Variants in HOOK3 observed in about 807,000 individuals in gnomAD.
HOOK3 encodes the protein hook microtubule tethering protein 3.
HOOK3 carries 24 observed loss-of-function variants against 116.3 expected under a neutral mutation model. The ratio of observed to expected loss-of-function variants is 0.21; its 90% confidence interval spans 0.15 to 0.29. The LOEUF is 0.29. HOOK3 is among the 10% of genes least tolerant of loss of function. The pLI, the probability that HOOK3 is intolerant of heterozygous loss-of-function variation, is 1.00. For synonymous variants in HOOK3, 275 were observed against 283.0 expected (o/e 0.97, Z 0.28); for missense variants, 632 against 830.2 (o/e 0.76, Z 2.93).
chr8:42,955,695 A>C (rs1396298549), intron 6 of HOOK3, among the ~76,000 whole-genome samples: 1 of 152,134 alleles, frequency 6.6e-6, no homozygotes, highest in Non-Finnish European at 1.5e-5. Context: ...AGACTGAAAG[A>C]CAAGAAGAAA....
chr8:42,938,850 A>G (rs912385161), intron 4 of HOOK3, among the ~76,000 whole-genome samples: 1 of 152,124 alleles, frequency 6.6e-6, no homozygotes, highest in South Asian at 2.1e-4. Flanking sequence ...TTTCCTAGGC[A>G]GAGGACCCTG....
In HOOK3 at chr8:43,024,690, T is replaced by C. The variant is rs1563317656; in HGVS notation, c.*6192T>C. 1 of 191,252 alleles carries C rather than the reference T, an allele frequency of 5.2e-6. No homozygotes were observed. Among genetic ancestry groups the C allele is most frequent in the Non-Finnish European group, 1.1e-5 (1 of 91,288 alleles). The allele number at this position is 191,252 out of a possible 1,614,324, so 11.8% of individuals were successfully genotyped here. A position where few individuals can be genotyped will look rare whatever the true frequency, so the allele number is the denominator to read the frequency against. On this transcript the variant is annotated 3_prime_UTR_variant, in exon 22 of 22. Coordinates refer to ENST00000307602, the MANE Select transcript of HOOK3 (RefSeq NM_032410.4). The stretch of plus-strand genomic sequence containing the variant: ...AAGAATATTTAAATAATAATTGGTG[T>C]ATGTTCCTTTTGTTGAAAATGTTTT...
chr8:42,941,540 AGAG>A (rs1243971821), intron 4 of HOOK3, among the ~76,000 whole-genome samples: 4 of 150,736 alleles, frequency 2.7e-5, no homozygotes, highest in African/African-American at 4.9e-5. Context: ...AAAAAAAAAA[AGAG>A]GCATGAGCCA....
chr8:42,922,680 C>T (rs1586592362), intron 2 of HOOK3, among the ~76,000 whole-genome samples: 1 of 152,210 alleles, frequency 6.6e-6, no homozygotes, highest in South Asian at 2.1e-4. Flanking sequence ...GGGCGGATCA[C>T]TTGAGGTCAG....
At chr8:42,920,408 A>C (rs1807634186) in intron 2 of HOOK3, among the ~76,000 whole-genome samples, 1 of 152,256 alleles carries the variant, frequency 6.6e-6, no homozygotes, top group South Asian at 2.1e-4. Context: ...GTAATACTGA[A>C]TATGAGAAGT....
intron 21 of HOOK3, among the ~76,000 whole-genome samples, chr8:43,015,205 C>T (rs1278676046): frequency 6.6e-6 from 1 of 151,972 alleles, no homozygotes; most frequent in Non-Finnish European, 1.5e-5. Context: ...GAGAGGAAAT[C>T]GTATCAGAGT....
At chr8:42,940,237 C>G (rs977457662) in intron 4 of HOOK3, among the ~76,000 whole-genome samples, 2 of 152,232 alleles carry the variant, frequency 1.3e-5, no homozygotes, top group African/African-American at 4.8e-5. Context: ...CCCGGCACCT[C>G]GGGAGGCCGA....
At chr8:42,988,373 A>AT (rs914512366) in intron 15 of HOOK3, among the ~76,000 whole-genome samples, 18 of 152,186 alleles carry the variant, frequency 1.2e-4, no homozygotes, top group African/African-American at 1.7e-4. Context: ...CTACCCTAGT[A>AT]TTTTTTTAGT....
chr8:43,012,099 C>G (rs1404233426), intron 19 of HOOK3, among the ~76,000 whole-genome samples: 1 of 152,124 alleles, frequency 6.6e-6, no homozygotes, highest in Non-Finnish European at 1.5e-5. Flanking sequence ...CAGACCAGAT[C>G]AGAGGAAAGA....
intron 8 of HOOK3, among the ~76,000 whole-genome samples, chr8:42,961,304 T>C (rs1563301804): frequency 6.6e-6 from 1 of 152,264 alleles, no homozygotes; most frequent in Non-Finnish European, 1.5e-5. Flanking sequence ...ATTTACTTTC[T>C]TGTGCAATGA....
At chr8:42,986,489 G>A (rs935966400) in intron 14 of HOOK3, among the ~76,000 whole-genome samples, 166 bp from the exon 15 acceptor site, 4 of 152,158 alleles carry the variant, frequency 2.6e-5, no homozygotes, top group East Asian at 1.9e-4. Flanking sequence ...GAAATGTAAT[G>A]TCTTTACCAG....
intron 5 of HOOK3, among the ~76,000 whole-genome samples, chr8:42,944,959 C>T (rs184767028): frequency 2.0e-5 from 3 of 152,116 alleles, no homozygotes; most frequent in Non-Finnish European, 4.4e-5. Context: ...ATTTTAAGCT[C>T]CCAGAGCTGA....
chr8:42,971,984 C>T (rs576580668), intron 11 of HOOK3, among the ~76,000 whole-genome samples: 42 of 152,318 alleles, frequency 2.8e-4, no homozygotes, highest in Non-Finnish European at 5.9e-4. Context: ...TGCCTGGCCT[C>T]TTAACTCCTT....
At chr8:42,923,759 G>T (rs1310414761) in intron 2 of HOOK3, among the ~76,000 whole-genome samples, 2 of 152,130 alleles carry the variant, frequency 1.3e-5, no homozygotes, top group Non-Finnish European at 2.9e-5. Context: ...GTACCACTCT[G>T]GCTATACTAA....
chr8:42,922,766 G>C (rs1807681197), intron 2 of HOOK3, among the ~76,000 whole-genome samples: 1 of 151,690 alleles, frequency 6.6e-6, no homozygotes, highest in Non-Finnish European at 1.5e-5. Flanking sequence ...TGGGCATGGT[G>C]GTGCACGCCT....
chr8:42,986,502 A>G (rs1809051835), intron 14 of HOOK3, among the ~76,000 whole-genome samples, 153 bp from the exon 15 acceptor site: 1 of 152,224 alleles, frequency 6.6e-6, no homozygotes, highest in Admixed American at 6.5e-5. Context: ...TTTACCAGCT[A>G]TAATAGCTGA....
chr8:42,918,952 G>A (rs1216768221), intron 2 of HOOK3, among the ~76,000 whole-genome samples: 3 of 152,170 alleles, frequency 2.0e-5, no homozygotes, highest in African/African-American at 7.2e-5. Flanking sequence ...CAGGCGGGGT[G>A]GCGGCCGGGC....
intron 7 of HOOK3, among the ~76,000 whole-genome samples, chr8:42,958,221 A>ATCTTTGTAT (rs1808470888): frequency 6.6e-6 from 1 of 152,208 alleles, no homozygotes; most frequent in Non-Finnish European, 1.5e-5. Context: ...ATGAATAGAA[A>ATCTTTGTAT]TCTTTGTATT....
rs1289853303 is a variant in HOOK3, at chr8:43,019,936, C to T, written c.*1438C>T. 5.0e-6 allele frequency: 1 copy of T among 201,470 alleles called. No homozygotes were observed. Among genetic ancestry groups the T allele is most frequent in the African/African-American group, 2.3e-5 (1 of 43,624 alleles). 12.5% of individuals were successfully genotyped at this position (201,470 alleles called of 1,614,324 possible). On this transcript the variant is annotated 3_prime_UTR_variant, in exon 22 of 22. Coordinates refer to ENST00000307602, the MANE Select transcript of HOOK3 (RefSeq NM_032410.4). ...ATATAGGAGGATGTTTTCTCATGTA[C>T]TTGCTATTTGCAAGTTCAGGTTTCA...
Sources: gnomAD v4.1 joint callset for allele counts (sites outside exome capture counted in the v4.1 genomes callset) on GRCh38, gnomAD v4.1.1 for gene constraint, MANE v1.5 for transcripts, NCBI Gene and HGNC (gene_info 2026-07-23, HGNC 2026-07-21) for gene names.